The following ATP10B variants were observed in gnomAD, a reference collection of about 807,000 sequenced individuals.
ATP10B encodes the protein phospholipid-transporting ATPase VB.
ATP10B carries 122 observed loss-of-function variants against 141.2 expected under a neutral mutation model. The ratio of observed to expected loss-of-function variants is 0.86; its 90% CI spans 0.75 to 1.00. The LOEUF (loss-of-function observed/expected upper bound fraction) is 1.00. Ranked by LOEUF, ATP10B falls within the 50% of genes least tolerant of loss-of-function variation. ATP10B has a pLI of 0.00. For missense variants in ATP10B, 1,876 were observed against 1,825.3 expected (o/e 1.03, Z -0.51); for synonymous variants, 685 against 692.0 (o/e 0.99, Z 0.16).
At chr5:160,634,295 T>C in intron 12 of ATP10B, 59 bp downstream of exon 12, 1 of 1,611,182 alleles carries the variant, frequency 6.2e-7, no homozygotes, top group Non-Finnish European at 8.5e-7. Context: ...CCTCGTTTCT[T>C]AGGAGAGCAG....
chr5:160,722,395 T>C (rs532098279), intron 2 of ATP10B, among the ~76,000 whole-genome samples: 24 of 152,364 alleles, frequency 1.6e-4, no homozygotes, highest in Middle Eastern at 3.4e-3. Context: ...TACTGTCATG[T>C]GTTCTGCCTA....
chr5:160,634,901 T>C (rs1759247113), intron 11 of ATP10B, among the ~76,000 whole-genome samples: 1 of 152,218 alleles, frequency 6.6e-6, no homozygotes, highest in African/African-American at 2.4e-5. Context: ...TGACTCCCTT[T>C]AGATCTCTGT....
rs1355345988 is a variant in ATP10B, at chr5:160,598,182, A to C, written c.3564+588T>G. The stretch of plus-strand genomic sequence containing the variant: ...ACTGGATTAAGAAAATGTGGCACAT[A>C]TACACCATGGAATACTATGCAGCCA... On this transcript the variant is annotated intron_variant, in intron 22 of 25. Transcript: ENST00000327245. Among the ~76,000 whole-genome samples, 11 of 151,912 alleles carry C rather than the reference A, an allele frequency of 7.2e-5. No homozygotes were observed. The East Asian group carries it at 1.9e-3, about 27-fold the overall frequency.
the ATP10B span, among the ~76,000 whole-genome samples, chr5:160,873,404 G>C: frequency 1.3e-5 from 2 of 152,088 alleles, no homozygotes; most frequent in African/African-American, 4.8e-5. Context: ...ATGCAATAAA[G>C]ACAACATAAT....
chr5:160,645,049 G>A (rs890989572), intron 8 of ATP10B, among the ~76,000 whole-genome samples: 33 of 151,536 alleles, frequency 2.2e-4, no homozygotes, highest in African/African-American at 7.7e-4. Flanking sequence ...CCCGGGAGGC[G>A]GAGGTTGCCG....
At chr5:160,905,911 G>A in the ATP10B span, among the ~76,000 whole-genome samples, 37 of 152,166 alleles carry the variant, frequency 2.4e-4, no homozygotes, top group African/African-American at 8.7e-4. Context: ...TCTGGAGTAA[G>A]AGGAAGAATG....
intron 7 of ATP10B, among the ~76,000 whole-genome samples, chr5:160,663,628 G>A (rs780425798): frequency 6.6e-6 from 1 of 151,918 alleles, no homozygotes; most frequent in Non-Finnish European, 1.5e-5. Context: ...ATCACACACT[G>A]GGGCCTGTTG....
chr5:160,855,514 C>A (rs116662938), upstream of ATP10B, among the ~76,000 whole-genome samples: 888 of 150,986 alleles, frequency 5.9e-3, 12 homozygotes, highest in African/African-American at 0.021. Flanking sequence ...TCTTTATATA[C>A]TATACCTTTG....
intron 7 of ATP10B, among the ~76,000 whole-genome samples, chr5:160,668,028 G>A (rs905903208): frequency 6.6e-6 from 1 of 151,998 alleles, no homozygotes; most frequent in African/African-American, 2.4e-5. Context: ...TCAGGAGTTC[G>A]AGACCAGCCT....
At chr5:160,923,412 C>T in the ATP10B span, among the ~76,000 whole-genome samples, 21 of 152,212 alleles carry the variant, frequency 1.4e-4, no homozygotes, top group Admixed American at 7.2e-4. Flanking sequence ...AATCTGTAAA[C>T]GATGATGACA....
At chr5:160,632,515 G>C in intron 12 of ATP10B, 148 bp from the exon 13 acceptor site, 1 of 665,338 alleles carries the variant, frequency 1.5e-6, no homozygotes, top group Non-Finnish European at 2.6e-6. Flanking sequence ...CAAGACTGGA[G>C]AAAGAAGGGT....
chr5:160,698,793 G>A (rs1190323522), intron 3 of ATP10B, among the ~76,000 whole-genome samples: 4 of 152,198 alleles, frequency 2.6e-5, no homozygotes, highest in Non-Finnish European at 4.4e-5. Flanking sequence ...AGAAAACACA[G>A]TTGACTGAGA....
chr5:160,702,863 C>T (rs1031809879), intron 3 of ATP10B, among the ~76,000 whole-genome samples: 1 of 152,130 alleles, frequency 6.6e-6, no homozygotes, highest in Admixed American at 6.5e-5. Flanking sequence ...TACAATTCAC[C>T]TGCTTTCAAT....
At chr5:160,906,358 C>G in the ATP10B span, among the ~76,000 whole-genome samples, 1 of 152,020 alleles carries the variant, frequency 6.6e-6, no homozygotes, top group Non-Finnish European at 1.5e-5. Flanking sequence ...ACTCTCCATA[C>G]CCTATGCTAC....
intron 1 of ATP10B, among the ~76,000 whole-genome samples, chr5:160,820,419 A>AGCCT (rs1774011109): frequency 6.6e-6 from 1 of 152,102 alleles, no homozygotes; most frequent in Admixed American, 6.6e-5. Flanking sequence ...AACAAAAAAA[A>AGCCT]GCCTGGGACC....
the ATP10B span, among the ~76,000 whole-genome samples, chr5:160,895,955 A>G: frequency 6.6e-6 from 1 of 152,262 alleles, no homozygotes; most frequent in African/African-American, 2.4e-5. Context: ...TACCAGTTAA[A>G]TAATGAAATG....
intron 2 of ATP10B, among the ~76,000 whole-genome samples, chr5:160,780,903 T>C (rs879819409): frequency 2.0e-5 from 3 of 152,192 alleles, no homozygotes; most frequent in Non-Finnish European, 4.4e-5. Context: ...TCTTAAGGGC[T>C]GCCATTTTGA....
intron 9 of ATP10B, among the ~76,000 whole-genome samples, chr5:160,641,408 A>G (rs75361989): frequency 1.3e-5 from 2 of 152,208 alleles, no homozygotes; most frequent in Non-Finnish European, 2.9e-5. Flanking sequence ...CTCCACTCCT[A>G]TGTTGAAGTT....
chr5:160,834,652 G>A (rs140223005), intron 1 of ATP10B, among the ~76,000 whole-genome samples: 381 of 152,160 alleles, frequency 2.5e-3, no homozygotes, highest in Non-Finnish European at 4.3e-3. Flanking sequence ...CCTTAATTAC[G>A]GGCTCAAGTG....
Sources: allele counts gnomAD v4.1 joint callset (sites outside exome capture counted in the v4.1 genomes callset), GRCh38; gene constraint gnomAD v4.1.1; transcripts MANE v1.5; gene names NCBI Gene and HGNC (gene_info 2026-07-23, HGNC 2026-07-21).